MRPL58: variants seen among roughly 807,000 people sequenced by gnomAD.
The protein encoded by MRPL58 is mitochondrial ribosomal protein L58.
A neutral mutation model predicts 26.0 loss-of-function variants in MRPL58; 17 were observed. The ratio of observed to expected loss-of-function variants is 0.65; its 90% CI spans 0.45 to 0.98. The LOEUF (loss-of-function observed/expected upper bound fraction) is 0.98. Among genes scored for constraint, MRPL58 ranks in the 50% least tolerant of loss-of-function variants. MRPL58 has a pLI of 0.00. For missense variants in MRPL58, 250 were observed against 269.0 expected (o/e 0.93, Z 0.49); for synonymous variants, 100 against 99.7 (o/e 1.00, Z -0.02).
chr17:75,018,362 G>A (rs2039989201), intron 2 of MRPL58, among the ~76,000 whole-genome samples: 2 of 151,878 alleles, frequency 1.3e-5, no homozygotes, highest in African/African-American at 4.8e-5. Flanking sequence ...CTCCCGAGTA[G>A]CTGGGACTAC....
chr17:75,014,564 C>T (rs2039959989), intron 1 of MRPL58, among the ~76,000 whole-genome samples: 1 of 151,670 alleles, frequency 6.6e-6, no homozygotes, highest in South Asian at 2.1e-4. Flanking sequence ...GTGCCTCAGC[C>T]TCCCGAGTAG....
intron 3 of MRPL58, among the ~76,000 whole-genome samples, chr17:75,020,016 A>G (rs2040003475): frequency 6.6e-6 from 1 of 151,776 alleles, no homozygotes; most frequent in South Asian, 2.1e-4. Flanking sequence ...GCCAGCTCCA[A>G]GAACAGGTTT....
intron 1 of MRPL58, among the ~76,000 whole-genome samples, chr17:75,016,681 G>T (rs987001446): frequency 1.3e-5 from 2 of 152,206 alleles, no homozygotes; most frequent in Admixed American, 6.5e-5. Context: ...CCTTGTGTGG[G>T]AGTCTCCTGT....
intron 2 of MRPL58, 81 bp from the exon 3 acceptor site, chr17:75,019,619 T>A (rs1004873332): frequency 7.3e-7 from 1 of 1,364,720 alleles, no homozygotes; most frequent in African/African-American, 1.4e-5. Context: ...ATACCTTCCC[T>A]ACATTCCTCA....
chr17:75,017,050 A>G (rs763618510), intron 1 of MRPL58, 28 bp from the exon 2 acceptor site: 14 of 1,590,068 alleles, frequency 8.8e-6, no homozygotes. Flanking sequence ...GGTAATATTT[A>G]TTTGACACTG....
rs961550530 is a variant in MRPL58, at chr17:75,017,161, T to A, written c.223+47T>A. ...AAAATCAGTTGGCTGCGTGGTGGCA[T>A]GTGCCTGTAATCCCAGTTACTTGGG... On this transcript the variant is annotated intron_variant, in intron 2 of 5. Coordinates refer to ENST00000301585, the MANE Select transcript of MRPL58 (RefSeq NM_001545.3). 2.8e-6 allele frequency: 4 copies of A among 1,437,662 alleles called. No individual in the cohort carries two copies. The East Asian group carries it at 9.1e-5, about 33-fold the overall frequency. 89.1% of individuals were successfully genotyped at this position (1,437,662 alleles called of 1,614,324 possible). A position where few individuals can be genotyped will look rare whatever the true frequency, so the allele number is the denominator to read the frequency against.
At chr17:75,014,625 T>C (rs2039960383) in intron 1 of MRPL58, among the ~76,000 whole-genome samples, 1 of 151,800 alleles carries the variant, frequency 6.6e-6, no homozygotes, top group Non-Finnish European at 1.5e-5. Flanking sequence ...TTTGCATTTT[T>C]AGTAGAGACA....
intron 2 of MRPL58, 28 bp downstream of exon 2, chr17:75,017,142 A>T (rs2039980112): frequency 6.3e-7 from 1 of 1,588,620 alleles, no homozygotes; most frequent in African/African-American, 1.3e-5. Flanking sequence ...CTTAAAAATC[A>T]GTTGGCTGCG....
In MRPL58 at chr17:75,019,732, G is replaced by A. The variant is rs147649597; in HGVS notation, c.256G>A (p.Gly86Ser). The change falls in exon 3 of 6, where the codon GGT becomes AGT. Residue 86 changes from glycine to serine, a missense_variant. Coordinates refer to ENST00000301585, the MANE Select transcript of MRPL58 (RefSeq NM_001545.3). Reference protein sequence around the residue: ...RLTISYCRSSGPGGQNVNKVN... With the variant: ...RLTISYCRSSSPGGQNVNKVN... ...GACAATATCTTATTGTCGGAGTAGT[G>A]GTCCTGGGGGGCAGAATGTGAACAA... 1,434 of 1,609,102 alleles carry A rather than the reference G, an allele frequency of 8.9e-4. 6 individuals carry two copies. The African/African-American group carries it at 0.017, about 19-fold the overall frequency.
chr17:75,018,233 C>CTTTTTTTTTTTTT (rs11381155), intron 2 of MRPL58, among the ~76,000 whole-genome samples: 1 of 146,862 alleles, frequency 6.8e-6, no homozygotes. Context: ...TCTGAAATAT[C>CTTTTTTTTTTTTT]TTTTTTTTTT....
At chr17:75,019,600 C>A in intron 2 of MRPL58, 100 bp from the exon 3 acceptor site, 1 of 1,169,882 alleles carries the variant, frequency 8.5e-7, no homozygotes, top group Non-Finnish European at 1.2e-6. Flanking sequence ...TTGAAATTTT[C>A]CCAATATAAT....
chr17:75,018,613 C>A lies in MRPL58; in HGVS notation c.224-1087C>A, dbSNP rs530380799. The A allele has an allele frequency of 6.6e-5, 10 of 151,966 alleles. No homozygotes were observed. The Middle Eastern group carries it at 0.014, about 207-fold the overall frequency. The allele number at this position is 151,966 out of a possible 1,614,324, so 9.4% of individuals were successfully genotyped here. On this transcript the variant is annotated intron_variant, in intron 2 of 5. Coordinates refer to ENST00000301585, the MANE Select transcript of MRPL58 (RefSeq NM_001545.3). Reference sequence around the variant, plus strand: ...AGATATCTATATCTGAAAGGAACACCCTGGATACAGTGACTGCCTGGAGGA... The same window carrying A: ...AGATATCTATATCTGAAAGGAACACACTGGATACAGTGACTGCCTGGAGGA...
chr17:75,020,441 T>C lies in MRPL58; in HGVS notation c.366+46T>C. On this transcript the variant is annotated intron_variant, in intron 4 of 5. Coordinates refer to ENST00000301585, the MANE Select transcript of MRPL58 (RefSeq NM_001545.3). ...TCCCTAGAAATCCCTCAGTGGCTTT[T>C]AAACCTTTACTCTGTAGGACTCCAG... 3 of 1,614,008 alleles carry C rather than the reference T, an allele frequency of 1.9e-6. No homozygotes were observed. In the South Asian group the frequency reaches 3.3e-5, roughly 18 times the overall value.
Position 75,012,704 on chromosome 17 carries a change from C to G in MRPL58, c.18C>G (p.Cys6Trp). The change falls in exon 1 of 6, where the codon TGC (cysteine) becomes TGG (tryptophan). Residue 6 changes from cysteine to tryptophan, a missense_variant. By Grantham distance (215) the Cys-to-Trp change is radical. Transcript: ENST00000301585. MAATRCLRWGLSRAGV... is the reference protein window; with the variant it reads MAATRWLRWGLSRAGV... ...ACCTGAGCATGGCGGCCACCAGGTG[C>G]CTGCGCTGGGGCCTGAGCCGAGCCG... 6.4e-7 allele frequency: 1 copy of G among 1,559,716 alleles called. No homozygotes were observed. Among genetic ancestry groups the G allele is most frequent in the East Asian group, 2.5e-5 (1 of 40,800 alleles).
chr17:75,013,687 T>A (rs1253138629), intron 1 of MRPL58, among the ~76,000 whole-genome samples: 1 of 152,172 alleles, frequency 6.6e-6, no homozygotes, highest in African/African-American at 2.4e-5. Flanking sequence ...AGGTGGCATT[T>A]GAATAACGAC....
At chr17:75,019,993 T>C (rs574568543) in intron 3 of MRPL58, among the ~76,000 whole-genome samples, 2 of 152,198 alleles carry the variant, frequency 1.3e-5, no homozygotes, top group South Asian at 4.1e-4. Flanking sequence ...GAAATCACAG[T>C]TGTGAGGTGG....
chr17:75,014,899 TA>T (rs749089235), intron 1 of MRPL58, among the ~76,000 whole-genome samples: 2 of 152,214 alleles, frequency 1.3e-5, no homozygotes, highest in Non-Finnish European at 2.9e-5. Context: ...ACAGCCATGA[TA>T]AACAAAATAC....
chr17:75,017,099 A>G lies in MRPL58; in HGVS notation c.208A>G (p.Ser70Gly). ...RVPNGAKQAD[S>G]DIPLDRLTIS... Reference sequence around the variant, plus strand: ...ACAGAATGGTGCAAAGCAAGCCGACAGTGACATCCCTCTAGGTAAGTAATT... The same window carrying G: ...ACAGAATGGTGCAAAGCAAGCCGACGGTGACATCCCTCTAGGTAAGTAATT... Residue 70 changes from serine to glycine, a missense_variant, in exon 2 of 6, where the codon AGT (serine) becomes GGT (glycine). Ser to Gly is a moderately conservative substitution (Grantham distance 56). Coordinates refer to ENST00000301585, the MANE Select transcript of MRPL58 (RefSeq NM_001545.3). The G allele has an allele frequency of 6.2e-7, 1 of 1,612,944 alleles. No homozygotes were observed. The highest frequency in any genetic ancestry group is 8.5e-7 in the Non-Finnish European group (1 of 1,178,872).
intron 2 of MRPL58, among the ~76,000 whole-genome samples, chr17:75,019,347 T>G (rs1207385872): frequency 6.6e-6 from 1 of 152,134 alleles, no homozygotes; most frequent in East Asian, 1.9e-4. Context: ...CTATGAAGAC[T>G]TTGGTCAGCT....
Sources: allele counts gnomAD v4.1 joint callset (sites outside exome capture counted in the v4.1 genomes callset), GRCh38; gene constraint gnomAD v4.1.1; transcripts MANE v1.5; gene names NCBI Gene and HGNC (gene_info 2026-07-23, HGNC 2026-07-21).